PCNP: variants seen among roughly 807,000 people sequenced by gnomAD.
PCNP encodes PEST proteolytic signal containing nuclear protein.
A neutral mutation model predicts 21.8 loss-of-function variants in PCNP; 6 were observed. That is an observed-to-expected ratio of 0.28 (90% CI 0.15 to 0.54). PCNP has a LOEUF of 0.54. Among genes scored for constraint, PCNP ranks in the 20% least tolerant of loss-of-function variants. PCNP has a pLI of 0.95. For synonymous variants in PCNP, 67 were observed against 73.2 expected (o/e 0.92, Z 0.43); for missense variants, 161 against 215.5 (o/e 0.75, Z 1.58).
rs577214481 is a variant in PCNP, at chr3:101,575,495, A to G, written c.64+1216A>G. ...CCCCCTGTCTTTTTTTTTTTTTATA[A>G]CTAGTAAAATACCTTATGAAAGAAC... On this transcript the variant is annotated intron_variant, in intron 1 of 4. Transcript: ENST00000265260. 3.3e-5 allele frequency among the ~76,000 whole-genome samples: 5 copies of G among 151,088 alleles called. No individual in the cohort carries two copies. The South Asian group carries it at 6.2e-4, about 19-fold the overall frequency.
chr3:101,587,429 G>A (rs1331867549), intron 3 of PCNP, among the ~76,000 whole-genome samples: 1 of 151,912 alleles, frequency 6.6e-6, no homozygotes, highest in Non-Finnish European at 1.5e-5. Context: ...AGTCATCAGT[G>A]TATTCTCTCT....
intron 4 of PCNP, among the ~76,000 whole-genome samples, chr3:101,591,487 C>T (rs764255737): frequency 6.6e-6 from 1 of 152,198 alleles, no homozygotes; most frequent in Admixed American, 6.5e-5. Flanking sequence ...CAGTGGCTGC[C>T]TGCATGCCTT....
At chr3:101,576,956 C>T in intron 1 of PCNP, 1 of 1,354,720 alleles carries the variant, frequency 7.4e-7, no homozygotes, top group Admixed American at 1.7e-5. Context: ...ATGGCGGCAG[C>T]ACAAGCGGCG....
At chr3:101,578,148 CTGTT>C (rs1935030600) in intron 1 of PCNP, among the ~76,000 whole-genome samples, 2 of 152,060 alleles carry the variant, frequency 1.3e-5, no homozygotes, top group Non-Finnish European at 2.9e-5. Flanking sequence ...AGCAGGTTTT[CTGTT>C]TGTTTCTCTG....
Position 101,592,773 on chromosome 3 carries a change from G to A in PCNP, c.*20G>A. 6.2e-7 allele frequency: 1 copy of A among 1,608,032 alleles called. No homozygotes were observed. Among genetic ancestry groups the A allele is most frequent in the African/African-American group, 1.3e-5 (1 of 74,720 alleles). ...AATTAAATGATGTTTTGAAATTGGG[G>A]TGTGGGGTGGGTGTAAAGTTAAAAG... On this transcript the variant is annotated 3_prime_UTR_variant, in exon 5 of 5. Transcript: ENST00000265260.
intron 2 of PCNP, among the ~76,000 whole-genome samples, chr3:101,584,155 T>C (rs1935373813): frequency 6.6e-6 from 1 of 152,200 alleles, no homozygotes; most frequent in Non-Finnish European, 1.5e-5. Flanking sequence ...CTAAAGTACC[T>C]AGGGGAGCTC....
chr3:101,578,758 C>T (rs1935064217), intron 1 of PCNP, among the ~76,000 whole-genome samples: 1 of 152,160 alleles, frequency 6.6e-6, no homozygotes, highest in African/African-American at 2.4e-5. Context: ...CATTCTAGCT[C>T]TGTGTCCTGC....
Position 101,579,959 on chromosome 3 carries a change from G to A in PCNP, c.234G>A (p.Gln78=), listed in dbSNP as rs765484843. ...AGTTTGGATTTGCCATAGGTAGTCA[G>A]ACGACAAAGAAAGCATCAGCCATAT... The part of the protein sequence containing the change: ...ISKFGFAIGS[Q]TTKKASAISI... The change falls in exon 2 of 5, where the codon CAG becomes CAA. Residue 78 remains glutamine (Q), a synonymous_variant. Coordinates refer to ENST00000265260, the MANE Select transcript of PCNP (RefSeq NM_020357.3). 4.3e-5 allele frequency: 70 copies of A among 1,613,902 alleles called. No homozygotes were observed. Among genetic ancestry groups the A allele is most frequent in the Non-Finnish European group, 5.8e-5 (69 of 1,179,872 alleles).
intron 4 of PCNP, among the ~76,000 whole-genome samples, chr3:101,591,285 A>T (rs1464749270): frequency 6.6e-6 from 1 of 152,232 alleles, no homozygotes; most frequent in Admixed American, 6.5e-5. Context: ...AGAGATCAGT[A>T]AGAAAGCTTA....
intron 1 of PCNP, among the ~76,000 whole-genome samples, chr3:101,575,579 T>A (rs1169265525): frequency 6.6e-6 from 1 of 151,656 alleles, no homozygotes; most frequent in Non-Finnish European, 1.5e-5. Context: ...CCCAAAAAAA[T>A]TGTATTGGAA....
At chr3:101,592,560 G>A in intron 4 of PCNP, 67 bp from the exon 5 acceptor site, 1 of 1,294,116 alleles carries the variant, frequency 7.7e-7, no homozygotes, top group Non-Finnish European at 1.1e-6. Flanking sequence ...TGTATTGAAT[G>A]AATCAAAATC....
In PCNP at chr3:101,576,244, C is replaced by CTTT. The variant is rs35289041; in HGVS notation, c.64+1977_64+1979dup. ...GTTTTTTTTTTTTATGAATGGTTTC[C>CTTT]TTTTTTTTTTTTTTGAGATGGAGCT... On this transcript the variant is annotated intron_variant, in intron 1 of 4. Coordinates refer to ENST00000265260, the MANE Select transcript of PCNP (RefSeq NM_020357.3). Among the ~76,000 whole-genome samples, 36 of 136,270 alleles carry CTTT rather than the reference C, an allele frequency of 2.6e-4. 1 individual carries two copies. The South Asian group carries it at 4.2e-3, about 16-fold the overall frequency. 89.4% of individuals were successfully genotyped at this position (136,270 alleles called of 152,430 possible).
At chr3:101,587,125 G>A (rs974653558) in intron 3 of PCNP, among the ~76,000 whole-genome samples, 5 of 151,892 alleles carry the variant, frequency 3.3e-5, no homozygotes, top group South Asian at 2.1e-4. Flanking sequence ...TGGTGCATGC[G>A]TGTAATCCCA....
chr3:101,592,939 A>ATT lies in PCNP; in HGVS notation c.*188_*189dup, dbSNP rs1367868491. The ATT allele has an allele frequency of 7.7e-6, 3 of 390,940 alleles. No individual in the cohort carries two copies. Among genetic ancestry groups the ATT allele is most frequent in the Non-Finnish European group, 1.4e-5 (3 of 221,448 alleles). The allele number at this position is 390,940 out of a possible 1,614,324, so 24.2% of individuals were successfully genotyped here. A position where few individuals can be genotyped will look rare whatever the true frequency, so the allele number is the denominator to read the frequency against. Reference sequence around the variant, plus strand: ...GAGGTAATTTATGTTTTATATACAGATTTCAAGACATTTGCTAATTTTGTA... The same window carrying ATT: ...GAGGTAATTTATGTTTTATATACAGATTTTTCAAGACATTTGCTAATTTTGTA... On this transcript the variant is annotated 3_prime_UTR_variant, in exon 5 of 5. Coordinates refer to ENST00000265260, the MANE Select transcript of PCNP (RefSeq NM_020357.3).
At chr3:101,576,655 A>G in intron 1 of PCNP, 1 of 1,611,842 alleles carries the variant, frequency 6.2e-7, no homozygotes, top group Non-Finnish European at 8.5e-7. Flanking sequence ...ATTGGCTAGG[A>G]CCTGGCTATA....
intron 1 of PCNP, among the ~76,000 whole-genome samples, chr3:101,575,176 A>G (rs1934803411): frequency 6.6e-6 from 1 of 152,164 alleles, no homozygotes; most frequent in African/African-American, 2.4e-5. Flanking sequence ...GTGACTTAAC[A>G]CGTGCGAGCT....
rs1576609482 is a variant in PCNP at position 101,580,397 on chromosome 3, T to C, written c.279+393T>C. On this transcript the variant is annotated intron_variant, in intron 2 of 4. Transcript: ENST00000265260. ...TCTGGGCAACATAGCAAGATCTATC[T>C]CTACAAAAAATAAAAATATAATTAA... 2.0e-5 allele frequency among the ~76,000 whole-genome samples: 3 copies of C among 151,988 alleles called. No individual in the cohort carries two copies. The East Asian group carries it at 5.8e-4, about 29-fold the overall frequency.
intron 2 of PCNP, 65 bp downstream of exon 2, chr3:101,580,069 G>A (rs1045949762): frequency 1.2e-5 from 13 of 1,128,312 alleles, no homozygotes; most frequent in African/African-American, 6.1e-5. Context: ...GAAACGTGGC[G>A]TTTACTAGGT....
chr3:101,580,159 T>A (rs1935149524), intron 2 of PCNP, among the ~76,000 whole-genome samples, 155 bp downstream of exon 2: 1 of 150,908 alleles, frequency 6.6e-6, no homozygotes, highest in Non-Finnish European at 1.5e-5. Flanking sequence ...AGCACCCTGT[T>A]TAAGAAGGGT....
Sources: allele counts gnomAD v4.1 joint callset (sites outside exome capture counted in the v4.1 genomes callset), GRCh38; gene constraint gnomAD v4.1.1; transcripts MANE v1.5; gene names NCBI Gene and HGNC (gene_info 2026-07-23, HGNC 2026-07-21).